LRRC7: variants seen among roughly 807,000 people sequenced by gnomAD.
LRRC7 encodes leucine-rich repeat-containing protein 7.
LRRC7 carries 23 observed loss-of-function variants against 175.7 expected under a neutral mutation model. The ratio of observed to expected loss-of-function variants is 0.13; its 90% CI spans 0.09 to 0.19. The LOEUF (loss-of-function observed/expected upper bound fraction) is 0.19. LRRC7 is among the 10% of genes least tolerant of loss of function. LRRC7 has a pLI of 1.00. For synonymous variants in LRRC7, 685 were observed against 680.9 expected (o/e 1.01, Z -0.09); for missense variants, 1,354 against 1,904.7 (o/e 0.71, Z 5.38).
At chr1:69,907,312 TGA>T (rs1646351147) in intron 7 of LRRC7, among the ~76,000 whole-genome samples, 1 of 152,216 alleles carries the variant, frequency 6.6e-6, no homozygotes, top group South Asian at 2.1e-4. Flanking sequence ...ATAGGAGTGG[TGA>T]GAGAGGGCAT....
At chr1:69,650,444 G>T (rs1655637844) in intron 1 of LRRC7, among the ~76,000 whole-genome samples, 1 of 150,406 alleles carries the variant, frequency 6.6e-6, no homozygotes, top group African/African-American at 2.5e-5. Context: ...GGAGACTGAG[G>T]CTGGAGAATG....
At chr1:69,789,018 G>A (rs1674814358) in intron 3 of LRRC7, among the ~76,000 whole-genome samples, 1 of 152,132 alleles carries the variant, frequency 6.6e-6, no homozygotes, top group South Asian at 2.1e-4. Flanking sequence ...ATGAATGAAT[G>A]AATGAAATAT....
intron 3 of LRRC7, among the ~76,000 whole-genome samples, chr1:69,768,205 C>A (rs562042390): frequency 1.8e-4 from 28 of 152,298 alleles, no homozygotes; most frequent in African/African-American, 6.3e-4. Flanking sequence ...AAAAATGCAT[C>A]TGAGTCATGC....
intron 7 of LRRC7, chr1:69,919,877 G>T (rs969887397): frequency 1.2e-5 from 8 of 656,524 alleles, no homozygotes; most frequent in Non-Finnish European, 2.2e-5. Context: ...GGGTTCCCCC[G>T]CTGCCTGCTG....
intron 7 of LRRC7, among the ~76,000 whole-genome samples, chr1:69,872,397 T>C (rs528670338): frequency 2.6e-5 from 4 of 152,136 alleles, no homozygotes; most frequent in Admixed American, 1.3e-4. Context: ...TGTCATGACT[T>C]ATGATCATTT....
At chr1:69,715,896 A>G (rs1289738006) in intron 2 of LRRC7, among the ~76,000 whole-genome samples, 1 of 152,066 alleles carries the variant, frequency 6.6e-6, no homozygotes. Flanking sequence ...AAAATGTTGC[A>G]TTAAGGAAGA....
intron 1 of LRRC7, among the ~76,000 whole-genome samples, chr1:69,639,559 C>T (rs1653891468): frequency 6.6e-6 from 1 of 151,768 alleles, no homozygotes; most frequent in African/African-American, 2.4e-5. Context: ...CAGGAGCCTT[C>T]CTGTATAAGG....
At chr1:70,066,112 G>T (rs1434937750) in intron 23 of LRRC7, among the ~76,000 whole-genome samples, 1 of 151,842 alleles carries the variant, frequency 6.6e-6, no homozygotes, top group Admixed American at 6.6e-5. Context: ...GTTATTTATT[G>T]CTATGGCCAG....
At chr1:69,763,033 G>T (rs1671208940) in intron 3 of LRRC7, among the ~76,000 whole-genome samples, 1 of 151,768 alleles carries the variant, frequency 6.6e-6, no homozygotes, top group Non-Finnish European at 1.5e-5. Flanking sequence ...CTGATATTGA[G>T]GTATGATCCA....
chr1:69,718,152 G>GAAAGA (rs1665916737), intron 2 of LRRC7, among the ~76,000 whole-genome samples: 1 of 146,202 alleles, frequency 6.8e-6, no homozygotes, highest in Non-Finnish European at 1.5e-5. Flanking sequence ...GAGAAAGAAA[G>GAAAGA]AAAGAAAGAA....
At chr1:69,964,113 C>A (rs1489038627) in intron 8 of LRRC7, among the ~76,000 whole-genome samples, 11 of 152,156 alleles carry the variant, frequency 7.2e-5, no homozygotes, top group Admixed American at 2.6e-4. Flanking sequence ...AAACAAAGAT[C>A]AGGCTCTTGC....
chr1:69,955,847 C>G (rs1650434491), intron 8 of LRRC7, among the ~76,000 whole-genome samples: 1 of 151,876 alleles, frequency 6.6e-6, no homozygotes, highest in African/African-American at 2.4e-5. Context: ...TACTAAATTA[C>G]ACAGCAGCAA....
chr1:69,749,683 G>T (rs998532767), intron 2 of LRRC7, among the ~76,000 whole-genome samples: 1 of 152,082 alleles, frequency 6.6e-6, no homozygotes, highest in Non-Finnish European at 1.5e-5. Context: ...GATTGGTAGG[G>T]TTGACATAGA....
At position 70,135,967 on chromosome 1, in the gene LRRC7, T is replaced by A. The variant is rs1666851913; in HGVS notation, c.*14080T>A. 6.6e-6 allele frequency among the ~76,000 whole-genome samples: 1 copy of A among 152,178 alleles called. No individual in the cohort carries two copies. On this transcript the variant is annotated 3_prime_UTR_variant, in exon 27 of 27. Coordinates refer to ENST00000651989, the MANE Select transcript of LRRC7 (RefSeq NM_001370785.2). ...CACTGCTATATTCTTTATAAAACCA[T>A]GAATGTTGCTAGCAAACAGTTCAGG...
At position 69,798,356 on chromosome 1, in the gene LRRC7, G is replaced by A. The variant is rs985992768; in HGVS notation, c.421+6196G>A. Among the ~76,000 whole-genome samples, 6 of 151,822 alleles carry A rather than the reference G, an allele frequency of 4.0e-5. No homozygotes were observed. The South Asian group carries it at 1.0e-3, about 26-fold the overall frequency. Reference sequence around the variant, plus strand: ...ACACCTCTTTTTACCTGGTTCAATCGTACTTATTATTCAAAACTCAATTCA... The same window carrying A: ...ACACCTCTTTTTACCTGGTTCAATCATACTTATTATTCAAAACTCAATTCA... On this transcript the variant is annotated intron_variant, in intron 4 of 26. Coordinates refer to ENST00000651989, the MANE Select transcript of LRRC7 (RefSeq NM_001370785.2).
intron 3 of LRRC7, among the ~76,000 whole-genome samples, chr1:69,776,431 T>G (rs1672812855): frequency 6.6e-6 from 1 of 152,204 alleles, no homozygotes; most frequent in South Asian, 2.1e-4. Context: ...TTAACAGTGA[T>G]ATAAAATGAA....
intron 7 of LRRC7, among the ~76,000 whole-genome samples, chr1:69,901,792 G>A (rs1023206325): frequency 6.6e-6 from 1 of 152,058 alleles, no homozygotes; most frequent in Non-Finnish European, 1.5e-5. Flanking sequence ...GCTGATGCTA[G>A]TGTTATTTTC....
intron 26 of LRRC7, among the ~76,000 whole-genome samples, chr1:70,110,581 A>C (rs1665460876): frequency 1.3e-5 from 2 of 152,162 alleles, no homozygotes; most frequent in Non-Finnish European, 2.9e-5. Flanking sequence ...AGAAATTTTC[A>C]GCCAAGAATA....
intron 7 of LRRC7, among the ~76,000 whole-genome samples, chr1:69,900,363 T>C (rs1390696378): frequency 2.0e-5 from 3 of 152,218 alleles, no homozygotes; most frequent in Non-Finnish European, 4.4e-5. Context: ...TTTTAATAGC[T>C]TTTAAATTAA....
Sources: gnomAD v4.1 joint callset for allele counts (sites outside exome capture counted in the v4.1 genomes callset) on GRCh38, gnomAD v4.1.1 for gene constraint, MANE v1.5 for transcripts, NCBI Gene and HGNC (gene_info 2026-07-23, HGNC 2026-07-21) for gene names.